Variants in PTPRB observed in about 807,000 individuals in gnomAD.
The protein encoded by PTPRB is receptor-type tyrosine-protein phosphatase beta.
A neutral mutation model predicts 238.1 loss-of-function variants in PTPRB; 97 were observed. The ratio of observed to expected loss-of-function variants is 0.41; its 90% CI spans 0.35 to 0.48. The LOEUF (loss-of-function observed/expected upper bound fraction) is 0.48, where lower values mean the gene tolerates loss of function less well. Ranked by LOEUF, PTPRB falls within the 20% of genes least tolerant of loss-of-function variation. PTPRB has a pLI of 0.30. For missense variants in PTPRB, 2,292 were observed against 2,681.9 expected, an observed-to-expected ratio of 0.85 and a Z score of 3.21; for synonymous variants, 970 against 995.4, an observed-to-expected ratio of 0.97 and a Z score of 0.48.
chr12:70,561,884 C>T (rs1878526337), intron 16 of PTPRB, among the ~76,000 whole-genome samples: 1 of 152,212 alleles, frequency 6.6e-6, no homozygotes, highest in Non-Finnish European at 1.5e-5. Flanking sequence ...GGGCAGGGCC[C>T]TTGACTGTCT....
At chr12:70,593,893 A>T (rs528303114) in intron 6 of PTPRB, among the ~76,000 whole-genome samples, 1 of 152,232 alleles carries the variant, frequency 6.6e-6, no homozygotes, top group Non-Finnish European at 1.5e-5. Flanking sequence ...TCTCTTGGAT[A>T]TTATATCAGC....
chr12:70,568,694 T>C (rs1304923317), intron 14 of PTPRB, among the ~76,000 whole-genome samples: 1 of 152,280 alleles, frequency 6.6e-6, no homozygotes, highest in East Asian at 1.9e-4. Context: ...TAGGGCATGG[T>C]ATAGAAGCCC....
chr12:70,597,027 T>C (rs771908755), intron 4 of PTPRB, among the ~76,000 whole-genome samples: 5 of 151,960 alleles, frequency 3.3e-5, no homozygotes, highest in Non-Finnish European at 7.4e-5. Context: ...AAGCAATTCT[T>C]CTGCCTCAGT....
At chr12:70,600,961 G>A (rs1316872252) in intron 4 of PTPRB, among the ~76,000 whole-genome samples, 1 of 152,002 alleles carries the variant, frequency 6.6e-6, no homozygotes, top group East Asian at 1.9e-4. Flanking sequence ...TCCGCCTCCT[G>A]GGTTCAAGCG....
In PTPRB at chr12:70,544,799, A is replaced by G. The variant is rs1330721047; in HGVS notation, c.5388-136T>C. On this transcript the variant is annotated intron_variant, in intron 21 of 33. Transcript: ENST00000334414. ...GAATATGAGTTATGGAATCGGATAG[A>G]CCTGGGTTCATGCATTCATTCATCA... 8 of 530,028 alleles carry G rather than the reference A, an allele frequency of 1.5e-5. No homozygotes were observed. In the East Asian group the frequency reaches 2.0e-4, roughly 13 times the overall value. The allele number at this position is 530,028 out of a possible 1,614,324, so 32.8% of individuals were successfully genotyped here. A position where few individuals can be genotyped will look rare whatever the true frequency, so the allele number is the denominator to read the frequency against.
In PTPRB at chr12:70,560,899, G is replaced by A. The variant is rs367593089; in HGVS notation, c.4204C>T (p.Arg1402Trp). 7 of 1,613,332 alleles carry A rather than the reference G, an allele frequency of 4.3e-6. No homozygotes were observed. Among genetic ancestry groups the A allele is most frequent in the South Asian group, 2.2e-5 (2 of 91,070 alleles). ...AACCAAAGGCTGTCTGTCGTGTTCC[G>A]ATTGGACCCCCTGAGATGACTCACA... Reference protein sequence around the residue: ...ASVSHLRGSNRNTTDSLWFNW... With the variant: ...ASVSHLRGSNWNTTDSLWFNW... The change falls in exon 17 of 34, where the codon CGG (arginine) becomes TGG (tryptophan). Residue 1402 changes from arginine (R) to tryptophan (W), a missense_variant. Transcript: ENST00000334414. This position sits in a 1 kb window ranked among gnomAD's most constrained non-coding sequence, Gnocchi z 4.2.
chr12:70,592,675 G>A (rs1882607163), intron 6 of PTPRB, 130 bp from the exon 7 acceptor site: 3 of 951,528 alleles, frequency 3.2e-6, no homozygotes, highest in African/African-American at 1.7e-5. Flanking sequence ...CACTTCAAGA[G>A]GCAAATATTA....
intron 2 of PTPRB, among the ~76,000 whole-genome samples, chr12:70,625,770 C>T (rs1275786307): frequency 6.6e-6 from 1 of 152,088 alleles, no homozygotes; most frequent in Admixed American, 6.6e-5. Flanking sequence ...TTTTTGAAAG[C>T]TTTATTGTGT....
intron 8 of PTPRB, among the ~76,000 whole-genome samples, 179 bp downstream of exon 8, chr12:70,589,785 A>G (rs1339551891): frequency 6.8e-6 from 1 of 146,714 alleles, no homozygotes. Flanking sequence ...AAGTGATTTT[A>G]AATGTTCTAA....
intron 10 of PTPRB, among the ~76,000 whole-genome samples, chr12:70,579,421 G>A (rs917268257): frequency 1.3e-5 from 2 of 152,088 alleles, no homozygotes; most frequent in East Asian, 1.9e-4. Flanking sequence ...GTGACAGGCC[G>A]GGCGCAGTGG....
rs1880694711 is a variant in PTPRB at position 70,576,412 on chromosome 12, C to T, written c.2812G>A (p.Glu938Lys). 4 of 1,611,522 alleles carry T rather than the reference C, an allele frequency of 2.5e-6. No homozygotes were observed. The highest frequency in any genetic ancestry group is 3.4e-6 in the Non-Finnish European group (4 of 1,179,078). ...VTITTRSGKY[E>K]NHSFSQERTV... ...CGCTCTTGGCTGAAGGAGTGATTTT[C>T]ATACTTGCCACTCCTTGTAGTTATG... Residue 938 changes from glutamate to lysine, a missense_variant, in exon 11 of 34, where the codon GAA (glutamate) becomes AAA (lysine). Glu to Lys is a moderately conservative substitution (Grantham distance 56). Coordinates refer to ENST00000334414, the MANE Select transcript of PTPRB (RefSeq NM_001109754.4).
chr12:70,621,364 G>A (rs1884920457), intron 3 of PTPRB, among the ~76,000 whole-genome samples: 1 of 152,176 alleles, frequency 6.6e-6, no homozygotes, highest in Non-Finnish European at 1.5e-5. Context: ...ATTTCCTGGA[G>A]TTGGTATTTT....
intron 26 of PTPRB, chr12:70,539,409 G>T: frequency 1.7e-6 from 1 of 574,378 alleles, no homozygotes; most frequent in Non-Finnish European, 3.1e-6. Context: ...GGTAGCCCTT[G>T]GTTTGCTGTG....
intron 2 of PTPRB, among the ~76,000 whole-genome samples, chr12:70,626,581 C>G (rs972843074): frequency 1.3e-4 from 19 of 151,974 alleles, no homozygotes; most frequent in African/African-American, 4.1e-4. Flanking sequence ...AATACAACAA[C>G]TATTTATATT....
At chr12:70,526,889 A>C (rs1179068496) in intron 32 of PTPRB, among the ~76,000 whole-genome samples, 3 of 152,236 alleles carry the variant, frequency 2.0e-5, no homozygotes, top group African/African-American at 7.2e-5. Flanking sequence ...TGGGCTTTGA[A>C]ACAAGTTAAT....
In PTPRB at chr12:70,581,316, C is replaced by A. The variant is rs1349783315; in HGVS notation, c.2312-14G>T. 2.5e-6 allele frequency: 4 copies of A among 1,583,596 alleles called. No homozygotes were observed. Among genetic ancestry groups the A allele is most frequent in the African/African-American group, 2.7e-5 (2 of 73,534 alleles). ...CTTGGGCAGGCACTAAAACAGTAGA[C>A]AGAAGAAAAAACAAATGACACTTAG... On this transcript the variant is annotated splice_polypyrimidine_tract_variant and intron_variant, in intron 9 of 33. Coordinates refer to ENST00000334414, the MANE Select transcript of PTPRB (RefSeq NM_001109754.4).
chr12:70,537,779 T>C (rs186338984), intron 28 of PTPRB, among the ~76,000 whole-genome samples: 2 of 152,284 alleles, frequency 1.3e-5, no homozygotes, highest in South Asian at 2.1e-4. Flanking sequence ...AGATTTGATA[T>C]AACCTTTGAG....
At chr12:70,525,153 T>G (rs1210019125) in intron 32 of PTPRB, among the ~76,000 whole-genome samples, 1 of 152,178 alleles carries the variant, frequency 6.6e-6, no homozygotes, top group African/African-American at 2.4e-5. Context: ...AATACAATTA[T>G]CAGTACAAAG....
chr12:70,607,542 C>T (rs11178330), intron 4 of PTPRB, among the ~76,000 whole-genome samples: 31,477 of 149,092 alleles, frequency 0.21, 3,477 homozygotes, highest in South Asian at 0.29. Flanking sequence ...GATTCATTTT[C>T]CTTTTCTTTT....
Sources: allele counts gnomAD v4.1 joint callset (sites outside exome capture counted in the v4.1 genomes callset), GRCh38; gene constraint gnomAD v4.1.1; non-coding constraint Gnocchi (gnomAD v3.1); transcripts MANE v1.5; gene names NCBI Gene and HGNC (gene_info 2026-07-23, HGNC 2026-07-21).